The following SEMA6D variants were observed in gnomAD, a reference collection of about 807,000 sequenced individuals.
SEMA6D encodes the protein semaphorin 6D.
In SEMA6D, 35 loss-of-function variants were observed where a neutral mutation model predicts 106.6. The ratio of observed to expected loss-of-function variants is 0.33; its 90% CI spans 0.25 to 0.44. The LOEUF (loss-of-function observed/expected upper bound fraction) is 0.44. Ranked by LOEUF, SEMA6D falls within the 20% of genes least tolerant of loss-of-function variation. SEMA6D has a pLI of 1.00. For missense variants in SEMA6D, 1,185 were observed against 1,345.9 expected (o/e 0.88, Z 1.87); for synonymous variants, 499 against 487.7 (o/e 1.02, Z -0.31).
chr15:47,446,782 AAC>A (rs1447545631), intron 2 of SEMA6D, among the ~76,000 whole-genome samples: 1 of 152,152 alleles, frequency 6.6e-6, no homozygotes, highest in Admixed American at 6.5e-5. Flanking sequence ...CCTTAATTTT[AAC>A]AGTGTTTCAT....
At chr15:47,376,136 C>T (rs2039440572) in intron 1 of SEMA6D, among the ~76,000 whole-genome samples, 1 of 152,178 alleles carries the variant, frequency 6.6e-6, no homozygotes, top group Admixed American at 6.5e-5. Context: ...CTCTATAACA[C>T]CTGATCAGTT....
intron 3 of SEMA6D, among the ~76,000 whole-genome samples, chr15:47,551,062 C>T (rs557641989): frequency 2.6e-5 from 4 of 152,254 alleles, no homozygotes; most frequent in Non-Finnish European, 2.9e-5. Flanking sequence ...CTCAGGATAT[C>T]GATAAGCTTT....
intron 6 of SEMA6D, 45 bp from the exon 7 acceptor site, chr15:47,761,616 C>T: frequency 1.4e-6 from 2 of 1,429,634 alleles, no homozygotes; most frequent in Non-Finnish European, 1.9e-6. Context: ...TTCAAACGGG[C>T]ACGTTGAATA....
chr15:47,733,163 A>G (rs2080236068), intron 1 of SEMA6D, among the ~76,000 whole-genome samples: 1 of 152,228 alleles, frequency 6.6e-6, no homozygotes, highest in Non-Finnish European at 1.5e-5. Context: ...TTCTGTATCT[A>G]CTGAGGACAG....
chr15:47,661,346 A>T (rs149910299), intron 4 of SEMA6D, among the ~76,000 whole-genome samples: 1 of 152,352 alleles, frequency 6.6e-6, no homozygotes, highest in East Asian at 1.9e-4. Context: ...ATAACTGATG[A>T]TGTAATCTCT....
At chr15:47,355,298 A>G (rs1177605767) in intron 1 of SEMA6D, among the ~76,000 whole-genome samples, 1 of 152,170 alleles carries the variant, frequency 6.6e-6, no homozygotes, top group Non-Finnish European at 1.5e-5. Flanking sequence ...TTATAAAGAA[A>G]ATAGTACATG....
At chr15:47,193,717 C>T (rs148507448) in intron 1 of SEMA6D, among the ~76,000 whole-genome samples, 1 of 152,082 alleles carries the variant, frequency 6.6e-6, no homozygotes, top group Non-Finnish European at 1.5e-5. Flanking sequence ...GCATGCTGTT[C>T]CCTTCATCTG....
rs772051107 is a variant in SEMA6D at position 47,760,378 on chromosome 15, A to T, written c.184A>T (p.Met62Leu). ...GCAGCACAGGCTGGACTTTCAGCTG[A>T]TGTTGAAAATTCGAGACACACTTTA... ...ESQHRLDFQL[M>L]LKIRDTLYIA... is the part of the protein sequence containing the mutation. The change falls in exon 3 of 19, where the codon ATG (methionine) becomes TTG (leucine). Residue 62 changes from methionine (M) to leucine (L), a missense_variant. Physicochemically the swap from Met to Leu is conservative, Grantham distance 15. Around this residue, in one of 3 missense-constraint regions of SEMA6D, gnomAD observed 144 missense variants for 138.6 expected, o/e 1.04. Transcript: ENST00000536845. The T allele has an allele frequency of 1.2e-5, 20 of 1,613,492 alleles. No homozygotes were observed. The highest frequency in any genetic ancestry group is 1.6e-4 in the Middle Eastern group (1 of 6,076).
chr15:47,754,953 AT>A (rs11435743), intron 1 of SEMA6D, among the ~76,000 whole-genome samples: 244 of 136,290 alleles, frequency 1.8e-3, no homozygotes, highest in Non-Finnish European at 2.3e-3. Flanking sequence ...TTTGTTGTTG[AT>A]TTTTTTTTTT....
intron 1 of SEMA6D, among the ~76,000 whole-genome samples, chr15:47,277,290 G>A (rs2034865738): frequency 1.3e-5 from 2 of 152,090 alleles, no homozygotes; most frequent in Admixed American, 6.6e-5. Flanking sequence ...CTCCAATTTT[G>A]AAAGAAGTCA....
chr15:47,701,982 CA>C (rs1432577540), intron 4 of SEMA6D, among the ~76,000 whole-genome samples: 37 of 152,282 alleles, frequency 2.4e-4, no homozygotes, highest in African/African-American at 8.9e-4. Context: ...CCACTGCGGT[CA>C]AAACTAGTCA....
chr15:47,504,819 G>A (rs909818051), intron 3 of SEMA6D, among the ~76,000 whole-genome samples: 20 of 152,104 alleles, frequency 1.3e-4, no homozygotes, highest in African/African-American at 3.4e-4. Flanking sequence ...CAGATTCTTC[G>A]TCTGGTTTTA....
intron 18 of SEMA6D, 101 bp from the exon 19 acceptor site, chr15:47,770,396 T>C (rs1169172979): frequency 1.0e-6 from 1 of 975,508 alleles, no homozygotes; most frequent in Non-Finnish European, 1.5e-6. Context: ...GCTAAGCATA[T>C]GAACCATATG....
At chr15:47,652,681 T>C (rs2077715636) in intron 4 of SEMA6D, among the ~76,000 whole-genome samples, 2 of 152,166 alleles carry the variant, frequency 1.3e-5, no homozygotes, top group Admixed American at 6.5e-5. Flanking sequence ...CGTACAGATT[T>C]TACATGTGGC....
intron 3 of SEMA6D, among the ~76,000 whole-genome samples, chr15:47,473,136 TG>T (rs1176829656): frequency 6.6e-6 from 1 of 152,180 alleles, no homozygotes; most frequent in Non-Finnish European, 1.5e-5. Context: ...GCCGTGAGAC[TG>T]GGGACATAGA....
intron 1 of SEMA6D, among the ~76,000 whole-genome samples, chr15:47,376,037 A>G (rs2039435990): frequency 6.6e-6 from 1 of 152,262 alleles, no homozygotes; most frequent in African/African-American, 2.4e-5. Flanking sequence ...AAGGCAAATT[A>G]TTTAAAATGG....
intron 1 of SEMA6D, among the ~76,000 whole-genome samples, chr15:47,207,728 C>T (rs1183634931): frequency 1.3e-5 from 2 of 152,068 alleles, no homozygotes; most frequent in African/African-American, 2.4e-5. Context: ...AAAAGGCAGT[C>T]CTCTAAGAGA....
intron 3 of SEMA6D, among the ~76,000 whole-genome samples, chr15:47,507,782 A>G (rs1490746260): frequency 6.6e-6 from 1 of 152,224 alleles, no homozygotes; most frequent in Non-Finnish European, 1.5e-5. Flanking sequence ...AGACATTTAA[A>G]TAAATTCAGG....
chr15:47,512,027 A>C (rs550280304), intron 3 of SEMA6D, among the ~76,000 whole-genome samples: 1 of 152,278 alleles, frequency 6.6e-6, no homozygotes, highest in Non-Finnish European at 1.5e-5. Context: ...TTTTCCTTTG[A>C]ATCTGACCCT....
Sources: gnomAD v4.1 joint callset for allele counts (sites outside exome capture counted in the v4.1 genomes callset) on GRCh38, gnomAD v4.1.1 for gene constraint, gnomAD v4.1.1 regional missense constraint, MANE v1.5 for transcripts, NCBI Gene and HGNC (gene_info 2026-07-23, HGNC 2026-07-21) for gene names.